Variants in IQSEC2 observed in about 807,000 individuals in gnomAD.
IQSEC2 encodes IQ motif and Sec7 domain ArfGEF 2, also known as IQ motif and SEC7 domain-containing protein 2.
A neutral mutation model predicts 74.6 loss-of-function variants in IQSEC2; 6 were observed. The observed-to-expected ratio is 0.08, with a 90% CI of 0.04 to 0.16. The LOEUF is 0.16. IQSEC2 is among the 10% of genes least tolerant of loss of function. The pLI is 1.00. For missense variants in IQSEC2, 734 were observed against 1,306.2 expected, an observed-to-expected ratio of 0.56 and a Z score of 6.75; for synonymous variants, 494 against 544.5, an observed-to-expected ratio of 0.91 and a Z score of 1.29.
intron 9 of IQSEC2, among the ~76,000 whole-genome samples, chrX:53,243,122 G>C (rs1314657803): frequency 3.6e-5 from 4 of 112,080 alleles, no homozygotes; most frequent in African/African-American, 9.7e-5. Flanking sequence ...GAGGTGAAAA[G>C]GATGCTAATA....
intron 6 of IQSEC2, 34 bp downstream of exon 6, chrX:53,248,687 C>T (rs1195290850): frequency 8.3e-7 from 1 of 1,199,848 alleles, no homozygotes; most frequent in East Asian, 3.0e-5. Flanking sequence ...TCCAGGAATC[C>T]CTGGCCCAGC....
chrX:53,269,797 G>A (rs1318636607), intron 2 of IQSEC2, among the ~76,000 whole-genome samples: 2 of 110,966 alleles, frequency 1.8e-5, no homozygotes, highest in East Asian at 2.8e-4. Context: ...TTCCGCCCTC[G>A]GCTTACTAGC....
At chrX:53,272,721 A>G (rs951910963) in intron 2 of IQSEC2, among the ~76,000 whole-genome samples, 1 of 111,259 alleles carries the variant, frequency 9.0e-6, no homozygotes, top group East Asian at 2.8e-4. Context: ...ACCTTTATAT[A>G]AGGCAAGACC....
intron 1 of IQSEC2, among the ~76,000 whole-genome samples, chrX:53,304,634 GAAGA>G (rs1365970679): frequency 3.6e-5 from 4 of 112,061 alleles, no homozygotes; most frequent in Non-Finnish European, 7.5e-5. Context: ...ATTTTGAAGA[GAAGA>G]AAGGCAGAGA....
At chrX:53,289,159 C>A (rs1277725537) in intron 2 of IQSEC2, among the ~76,000 whole-genome samples, 4 of 62,050 alleles carry the variant, frequency 6.4e-5, no homozygotes, top group East Asian at 1.0e-3. Context: ...CCTCCCTAGC[C>A]CTTCCCCCTC....
chrX:53,236,063 A>T (rs2074124214), intron 13 of IQSEC2, among the ~76,000 whole-genome samples: 1 of 110,825 alleles, frequency 9.0e-6, no homozygotes, highest in Non-Finnish European at 1.9e-5. Flanking sequence ...GAAGAGGGAG[A>T]AGAGGAGGAG....
chrX:53,252,369 T>A (rs1466609846), intron 4 of IQSEC2, among the ~76,000 whole-genome samples: 2 of 40,756 alleles, frequency 4.9e-5, no homozygotes, highest in Non-Finnish European at 1.5e-4. Flanking sequence ...CCAAAAAAAA[T>A]TTATTAAAAA....
chrX:53,315,147 T>C (rs924942502), intron 1 of IQSEC2, among the ~76,000 whole-genome samples: 7 of 111,567 alleles, frequency 6.3e-5, no homozygotes, highest in African/African-American at 2.0e-4. Flanking sequence ...TCCCAGCACT[T>C]TGGGAGGCAG....
intron 2 of IQSEC2, chrX:53,266,606 A>C: frequency 1.3e-6 from 1 of 790,880 alleles, no homozygotes; most frequent in Non-Finnish European, 1.5e-6. Context: ...GGTCCTTGGG[A>C]TGTCATTTGG....
At chrX:53,315,364 C>G (rs1454094547) in intron 1 of IQSEC2, among the ~76,000 whole-genome samples, 3 of 112,044 alleles carry the variant, frequency 2.7e-5, no homozygotes, top group Admixed American at 9.4e-5. Flanking sequence ...GCACTTCAGT[C>G]TGGGCAACAA....
At chrX:53,228,217 A>G (rs1556857980), downstream of IQSEC2, among the ~76,000 whole-genome samples, 2 of 112,136 alleles carry the variant, frequency 1.8e-5, no homozygotes, top group Non-Finnish European at 3.8e-5. Context: ...AGATGAGGAA[A>G]CTGAAGCTCA....
chrX:53,270,062 C>G (rs1180970679), intron 2 of IQSEC2, among the ~76,000 whole-genome samples: 1 of 88,731 alleles, frequency 1.1e-5, no homozygotes, highest in Non-Finnish European at 2.4e-5. Flanking sequence ...CTCCTGGGTC[C>G]CGGACCCGTC....
At chrX:53,304,664 C>G (rs149042343) in intron 1 of IQSEC2, among the ~76,000 whole-genome samples, 1 of 111,709 alleles carries the variant, frequency 9.0e-6, no homozygotes, top group African/African-American at 3.3e-5. Context: ...ACCAAGAGAG[C>G]CTTGAATACC....
At chrX:53,304,740 G>A (rs1286615098) in intron 1 of IQSEC2, among the ~76,000 whole-genome samples, 1 of 111,194 alleles carries the variant, frequency 9.0e-6, no homozygotes, top group African/African-American at 3.3e-5. Flanking sequence ...GATCCAAGGA[G>A]TGATGAGGTC....
intron 10 of IQSEC2, among the ~76,000 whole-genome samples, chrX:53,239,826 G>A (rs1350268127): frequency 8.9e-6 from 1 of 111,991 alleles, no homozygotes; most frequent in African/African-American, 3.2e-5. Context: ...GAGTACTTGG[G>A]CACTCTGGAC....
chrX:53,265,337 G>C (rs781987848), intron 2 of IQSEC2, among the ~76,000 whole-genome samples: 128 of 110,407 alleles, frequency 1.2e-3, no homozygotes, highest in Non-Finnish European at 7.0e-4. Flanking sequence ...AAAGACAGGA[G>C]AAAACTCTCA....
chrX:53,291,627 T>G (rs2146424706), intron 2 of IQSEC2, among the ~76,000 whole-genome samples: 1 of 111,060 alleles, frequency 9.0e-6, no homozygotes, highest in African/African-American at 3.3e-5. Flanking sequence ...TCTGGGCAGC[T>G]CCTATGAGCC....
In IQSEC2 at chrX:53,254,806, T is replaced by C; in HGVS notation, c.1125A>G (p.Ser375=). 8.3e-7 allele frequency: 1 copy of C among 1,204,797 alleles called. No homozygotes were observed. Among genetic ancestry groups the C allele is most frequent in the Non-Finnish European group, 1.1e-6 (1 of 891,800 alleles). ...TGATGCGGCGGGACATGCGGCTCTC[T>C]GAGGCTGAGCTGCGTAGCCGCTCAA... The part of the protein sequence containing the change: ...KNFERLRSSA[S]ESRMSRRIIL... Residue 375 remains serine (S), a synonymous_variant, in exon 4 of 15, where the codon TCA becomes TCG. Coordinates refer to ENST00000642864, the MANE Select transcript of IQSEC2 (RefSeq NM_001111125.3).
intron 14 of IQSEC2, 93 bp from the exon 15 acceptor site, chrX:53,235,277 G>T: frequency 9.4e-7 from 1 of 1,065,836 alleles, no homozygotes; most frequent in Non-Finnish European, 1.3e-6. Context: ...TGGAGCTGGG[G>T]AGACAGCAAA....
Sources: gnomAD v4.1 joint callset for allele counts (sites outside exome capture counted in the v4.1 genomes callset) on GRCh38, gnomAD v4.1.1 for gene constraint, MANE v1.5 for transcripts, NCBI Gene and HGNC (gene_info 2026-07-23, HGNC 2026-07-21) for gene names.